Variants in BCL2 observed in about 807,000 individuals in gnomAD.
BCL2 encodes the protein BCL2 apoptosis regulator.
BCL2 carries 1 observed loss-of-function variant against 14.2 expected under a neutral mutation model. That is an observed-to-expected ratio of 0.07 (90% CI 0.02 to 0.33). The LOEUF (loss-of-function observed/expected upper bound fraction) is 0.33. Among genes scored for constraint, BCL2 ranks in the 10% least tolerant of loss-of-function variants. The probability of loss-of-function intolerance (pLI) is 0.99; values close to 1 mark genes in which losing one functional copy is unlikely to be tolerated. For missense variants in BCL2, 247 were observed against 305.9 expected (o/e 0.81, Z 1.44); for synonymous variants, 151 against 137.2 (o/e 1.10, Z -0.70).
At chr18:63,130,691 T>C (rs1465716730) in intron 2 of BCL2, among the ~76,000 whole-genome samples, 1 of 152,208 alleles carries the variant, frequency 6.6e-6, no homozygotes, top group East Asian at 1.9e-4. Context: ...TGCCATACTT[T>C]AAAAAATTCA....
chr18:63,236,480 A>C (rs1910832783), intron 2 of BCL2, among the ~76,000 whole-genome samples: 1 of 152,178 alleles, frequency 6.6e-6, no homozygotes, highest in Non-Finnish European at 1.5e-5. Flanking sequence ...CATTCCACTC[A>C]TTTAGTAATT....
chr18:63,249,475 G>A (rs1453344045), intron 2 of BCL2, among the ~76,000 whole-genome samples: 1 of 152,152 alleles, frequency 6.6e-6, no homozygotes, highest in Non-Finnish European at 1.5e-5. Context: ...GGGAGGCCGA[G>A]GTGGGTGGAT....
chr18:63,146,471 G>T (rs1473931559), intron 2 of BCL2, among the ~76,000 whole-genome samples: 3 of 152,254 alleles, frequency 2.0e-5, no homozygotes, highest in Non-Finnish European at 4.4e-5. Context: ...CGCCAGGCCT[G>T]CGATCCACGC....
chr18:63,170,212 G>A (rs1395440711), intron 2 of BCL2, among the ~76,000 whole-genome samples: 2 of 151,966 alleles, frequency 1.3e-5, no homozygotes, highest in South Asian at 2.1e-4. Context: ...TACTATATAC[G>A]ACATGCTTAA....
At chr18:63,177,815 T>C (rs1431768794) in intron 2 of BCL2, among the ~76,000 whole-genome samples, 2 of 152,194 alleles carry the variant, frequency 1.3e-5, no homozygotes, top group African/African-American at 4.8e-5. Context: ...AAGCTGACTC[T>C]GTTTGCAGTC....
At chr18:63,173,279 G>C (rs1915271007) in intron 2 of BCL2, among the ~76,000 whole-genome samples, 1 of 152,148 alleles carries the variant, frequency 6.6e-6, no homozygotes, top group South Asian at 2.1e-4. Context: ...GCACATGTAA[G>C]ATGAAGAAAA....
intron 2 of BCL2, among the ~76,000 whole-genome samples, chr18:63,297,101 T>C (rs944773470): frequency 2.0e-5 from 3 of 152,012 alleles, no homozygotes; most frequent in Non-Finnish European, 2.9e-5. Context: ...TAGTCCCAGC[T>C]GCTTGGGAGG....
intron 2 of BCL2, among the ~76,000 whole-genome samples, chr18:63,303,573 T>A (rs1304724951): frequency 2.0e-5 from 3 of 152,178 alleles, no homozygotes; most frequent in Non-Finnish European, 4.4e-5. Context: ...TGAACATCAC[T>A]TGGATTGCCT....
rs1211681746 is a variant in BCL2 at position 63,149,066 on chromosome 18, C to T, written c.586-20307G>A. 3.3e-5 allele frequency among the ~76,000 whole-genome samples: 5 copies of T among 152,314 alleles called. No homozygotes were observed. In the South Asian group the frequency reaches 1.0e-3, roughly 32 times the overall value. On this transcript the variant is annotated intron_variant, in intron 2 of 2. Coordinates refer to ENST00000333681, the MANE Select transcript of BCL2 (RefSeq NM_000633.3). The surrounding 1 kb of genome is among the most constrained non-coding windows in gnomAD (Gnocchi z 4.2). Reference sequence around the variant, plus strand: ...GAAGTCATAAGTGTGCATGGAGCAGCGACGTGCTTATGCTGACACCTCTGT... The same window carrying T: ...GAAGTCATAAGTGTGCATGGAGCAGTGACGTGCTTATGCTGACACCTCTGT...
chr18:63,213,547 A>ACAC (rs1910108678), intron 2 of BCL2, among the ~76,000 whole-genome samples: 1 of 146,240 alleles, frequency 6.8e-6, no homozygotes, highest in Non-Finnish European at 1.5e-5. Context: ...CACACACATA[A>ACAC]ACACACACAC....
In BCL2 at chr18:63,156,087, C is replaced by CAAAAAAAAA. The variant is rs10640757; in HGVS notation, c.586-27337_586-27329dup. Among the ~76,000 whole-genome samples, 2 of 64,252 alleles carry CAAAAAAAAA rather than the reference C, an allele frequency of 3.1e-5. 1 individual carries two copies. The highest frequency in any genetic ancestry group is 6.0e-5 in the Non-Finnish European group (2 of 33,210). 42.2% of individuals were successfully genotyped at this position (64,252 alleles called of 152,430 possible). ...ATATTCATGAGGCTTGCTGAGAAGC[C>CAAAAAAAAA]AAAAAAAAAAAAAAAAAAAGGCTTG... On this transcript the variant is annotated intron_variant, in intron 2 of 2. Transcript: ENST00000333681.
At chr18:63,209,204 G>A (rs147217177) in intron 2 of BCL2, among the ~76,000 whole-genome samples, 83 of 152,266 alleles carry the variant, frequency 5.5e-4, no homozygotes, top group African/African-American at 1.9e-3. Context: ...CTTCTGGGTC[G>A]GTAAATTGGT....
chr18:63,252,474 A>G (rs1911345468), intron 2 of BCL2, among the ~76,000 whole-genome samples: 1 of 152,216 alleles, frequency 6.6e-6, no homozygotes, highest in South Asian at 2.1e-4. Flanking sequence ...AACTCCCACA[A>G]TTCCCACATG....
intron 2 of BCL2, among the ~76,000 whole-genome samples, chr18:63,278,050 C>A (rs1341998899): frequency 6.6e-6 from 1 of 152,208 alleles, no homozygotes; most frequent in African/African-American, 2.4e-5. Flanking sequence ...ATTTTAAGAT[C>A]ACTAAACACT....
At chr18:63,303,925 G>C (rs967015453) in intron 2 of BCL2, among the ~76,000 whole-genome samples, 3 of 151,968 alleles carry the variant, frequency 2.0e-5, no homozygotes, top group Non-Finnish European at 4.4e-5. Flanking sequence ...TATTGTTCAT[G>C]GTAACTCATT....
At chr18:63,170,605 T>C (rs1052689571) in intron 2 of BCL2, among the ~76,000 whole-genome samples, 3 of 152,242 alleles carry the variant, frequency 2.0e-5, no homozygotes, top group African/African-American at 7.2e-5. Flanking sequence ...ATATGACCAG[T>C]AAATTGGGTC....
chr18:63,159,760 T>C (rs1174320003), intron 2 of BCL2, among the ~76,000 whole-genome samples: 1 of 152,172 alleles, frequency 6.6e-6, no homozygotes. Context: ...CAAAAACACC[T>C]ACAAAAACAC....
intron 2 of BCL2, among the ~76,000 whole-genome samples, chr18:63,276,295 T>C (rs140935256): frequency 3.9e-4 from 60 of 152,316 alleles, no homozygotes; most frequent in Admixed American, 1.9e-3. Flanking sequence ...ACTTCCCTGA[T>C]CCAAACTGTC....
At chr18:63,280,756 C>A (rs991272014) in intron 2 of BCL2, among the ~76,000 whole-genome samples, 12 of 152,086 alleles carry the variant, frequency 7.9e-5, no homozygotes, top group African/African-American at 2.9e-4. Context: ...GGTGCAGCTT[C>A]TATGGAAAAC....
Sources: allele counts gnomAD v4.1 joint callset (sites outside exome capture counted in the v4.1 genomes callset), GRCh38; gene constraint gnomAD v4.1.1; non-coding constraint Gnocchi (gnomAD v3.1); transcripts MANE v1.5; gene names NCBI Gene and HGNC (gene_info 2026-07-23, HGNC 2026-07-21).